ZNF831: variants seen among roughly 807,000 people sequenced by gnomAD.
The protein encoded by ZNF831 is zinc finger protein 831.
In ZNF831, 59 loss-of-function variants were observed where a neutral mutation model predicts 95.8. That is an observed-to-expected ratio of 0.62 (90% CI 0.50 to 0.77). The LOEUF is 0.77. Ranked by LOEUF, ZNF831 falls within the 30% of genes least tolerant of loss-of-function variation. The probability of loss-of-function intolerance (pLI) is 0.00; values close to 1 mark genes in which losing one functional copy is unlikely to be tolerated. For missense variants in ZNF831, 2,205 were observed against 2,164.0 expected, an observed-to-expected ratio of 1.02 and a Z score of -0.38; for synonymous variants, 961 against 925.5, an observed-to-expected ratio of 1.04 and a Z score of -0.70.
rs770688492 is a variant in ZNF831 at position 59,255,400 on chromosome 20, A to C, written c.*657A>C. 1 of 152,350 alleles carries C rather than the reference A, an allele frequency of 6.6e-6. No homozygotes were observed. The highest frequency in any genetic ancestry group is 1.5e-5 in the Non-Finnish European group (1 of 68,150). 9.4% of individuals were successfully genotyped at this position (152,350 alleles called of 1,614,324 possible). On this transcript the variant is annotated 3_prime_UTR_variant, in exon 6 of 6. Coordinates refer to ENST00000371030, the MANE Select transcript of ZNF831 (RefSeq NM_178457.3). ...TCCGGTGACATGCTGATTACTTTTA[A>C]ATGTTGCACAAATGGTCAATGCTTA...
chr20:59,181,056 T>A lies in ZNF831; in HGVS notation c.-36-9928T>A, dbSNP rs138254294. Among the ~76,000 whole-genome samples, 69 of 152,362 alleles carry A rather than the reference T, an allele frequency of 4.5e-4. 1 individual carries two copies. In the East Asian group the frequency reaches 0.013, roughly 29 times the overall value. On this transcript the variant is annotated intron_variant, in intron 1 of 5. Transcript: ENST00000371030. ...CATGTGTTGTTTCCTGACTTTTTAA[T>A]AATTGCCATTCTAACTGGCACGAGA...
intron 3 of ZNF831, among the ~76,000 whole-genome samples, chr20:59,203,736 A>T (rs1465218181): frequency 6.6e-6 from 1 of 152,156 alleles, no homozygotes; most frequent in Non-Finnish European, 1.5e-5. Flanking sequence ...TGCAAATACC[A>T]CACTGTAATG....
intron 1 of ZNF831, among the ~76,000 whole-genome samples, chr20:59,135,060 T>A (rs1203428122): frequency 6.6e-6 from 1 of 151,986 alleles, no homozygotes; most frequent in Non-Finnish European, 1.5e-5. Flanking sequence ...TCTCGGTAGC[T>A]CTAAGGAATA....
At position 59,257,463 on chromosome 20, in the gene ZNF831, A is replaced by G. The variant is rs1307391837; in HGVS notation, c.*2720A>G. 6.6e-6 allele frequency: 1 copy of G among 152,224 alleles called. No homozygotes were observed. The highest frequency in any genetic ancestry group is 1.5e-5 in the Non-Finnish European group (1 of 68,036). 9.4% of individuals were successfully genotyped at this position (152,224 alleles called of 1,614,324 possible). A position where few individuals can be genotyped will look rare whatever the true frequency, so the allele number is the denominator to read the frequency against. ...CAATGAACAATCTCTGATTTTATAA[A>G]TCTTAATTTTCCTATGGGTTTTCTT... On this transcript the variant is annotated 3_prime_UTR_variant, in exon 6 of 6. Coordinates refer to ENST00000371030, the MANE Select transcript of ZNF831 (RefSeq NM_178457.3).
In ZNF831 at chr20:59,206,867, C is replaced by T. The variant is rs1984925391; in HGVS notation, c.3876-38C>T. On this transcript the variant is annotated intron_variant, in intron 3 of 5. Transcript: ENST00000371030. ...CAGATTTTTCCAGGCATGTGCTCTCCAGGCTGGTTACTGCAAGCATGCTTC... is the reference window on the plus strand; with the variant it reads ...CAGATTTTTCCAGGCATGTGCTCTCTAGGCTGGTTACTGCAAGCATGCTTC... 1.9e-6 allele frequency: 3 copies of T among 1,601,382 alleles called. No homozygotes were observed. In the East Asian group the frequency reaches 6.7e-5, roughly 36 times the overall value.
chr20:59,199,480 A>G (rs544965677), intron 3 of ZNF831, among the ~76,000 whole-genome samples: 6 of 152,238 alleles, frequency 3.9e-5, no homozygotes, highest in Non-Finnish European at 7.4e-5. Context: ...ATAGTTATTT[A>G]TCATTTATCA....
chr20:59,239,443 A>G (rs1987186859), intron 4 of ZNF831, among the ~76,000 whole-genome samples: 1 of 151,844 alleles, frequency 6.6e-6, no homozygotes, highest in Non-Finnish European at 1.5e-5. Flanking sequence ...TCTCGAATAC[A>G]TTTTTGATGA....
At chr20:59,167,151 G>A (rs943117281) in intron 1 of ZNF831, among the ~76,000 whole-genome samples, 3 of 152,148 alleles carry the variant, frequency 2.0e-5, no homozygotes, top group Non-Finnish European at 2.9e-5. Context: ...ATATTTTATT[G>A]TGGCTTTAAT....
chr20:59,212,530 A>G (rs1985412856), intron 4 of ZNF831, among the ~76,000 whole-genome samples: 1 of 152,208 alleles, frequency 6.6e-6, no homozygotes, highest in Non-Finnish European at 1.5e-5. Flanking sequence ...TGTGACTAAG[A>G]ATGGACAGAA....
chr20:59,230,730 G>A (rs1192916165), intron 4 of ZNF831, among the ~76,000 whole-genome samples: 1 of 152,220 alleles, frequency 6.6e-6, no homozygotes, highest in Admixed American at 6.5e-5. Flanking sequence ...ATTTACCAAG[G>A]AGATATGGGG....
chr20:59,253,271 C>T (rs1987998558), intron 5 of ZNF831, 133 bp downstream of exon 5: 6 of 945,504 alleles, frequency 6.3e-6, no homozygotes, highest in Admixed American at 2.5e-5. Flanking sequence ...GCACAGAAAG[C>T]CCATTAAGAC....
In ZNF831 at chr20:59,192,449, C is replaced by A. The variant is rs2146565733; in HGVS notation, c.1430C>A (p.Pro477Gln). Residue 477 changes from proline (P) to glutamine (Q), a missense_variant, in exon 2 of 6, where the codon CCA (proline) becomes CAA (glutamine). By Grantham distance (76) the Pro-to-Gln change is moderately conservative. Transcript: ENST00000371030. The surrounding 1 kb of genome is among the most constrained non-coding windows in gnomAD (Gnocchi z 5.2). ...CCCGTGCGCTCCACCTGGACGCCCC[C>A]AGACAAGTCTCGGCCCCTCTTCTTC... ...PGPVRSTWTPPDKSRPLFFHS... is the reference protein window; with the variant it reads ...PGPVRSTWTPQDKSRPLFFHS... The A allele has an allele frequency of 1.2e-6, 2 of 1,603,562 alleles. No individual in the cohort carries two copies.
At chr20:59,148,675 G>A (rs868472066) in intron 2 of ZNF831, among the ~76,000 whole-genome samples, 10 of 41,598 alleles carry the variant, frequency 2.4e-4, no homozygotes, top group East Asian at 7.6e-4. Flanking sequence ...GCGAAACTCC[G>A]TCTCAAAAAA....
chr20:59,124,858 C>G (rs1979119996), intron 1 of ZNF831, among the ~76,000 whole-genome samples: 1 of 152,192 alleles, frequency 6.6e-6, no homozygotes, highest in South Asian at 2.1e-4. Context: ...GGTGTCCACC[C>G]TCCTCCACGC....
At chr20:59,124,807 G>A (rs1347739818) in intron 1 of ZNF831, among the ~76,000 whole-genome samples, 2 of 152,176 alleles carry the variant, frequency 1.3e-5, no homozygotes, top group Non-Finnish European at 2.9e-5. Flanking sequence ...TTGGCAGCCC[G>A]CCACTCCTCA....
intron 1 of ZNF831, among the ~76,000 whole-genome samples, chr20:59,166,766 T>G (rs573245853): frequency 9.2e-5 from 14 of 152,370 alleles, no homozygotes; most frequent in African/African-American, 2.9e-4. Context: ...AACGGTATGC[T>G]TCTTTTTATT....
intron 1 of ZNF831, among the ~76,000 whole-genome samples, chr20:59,139,826 T>G (rs1450796908): frequency 6.6e-6 from 1 of 152,194 alleles, no homozygotes; most frequent in East Asian, 1.9e-4. Context: ...TGCTCGTGGA[T>G]GAATGCACAG....
chr20:59,185,415 C>A (rs546810465), intron 1 of ZNF831, among the ~76,000 whole-genome samples: 2 of 152,128 alleles, frequency 1.3e-5, no homozygotes, highest in South Asian at 2.1e-4. Flanking sequence ...AAGCCCCAAG[C>A]CTCCCACCCT....
intron 2 of ZNF831, among the ~76,000 whole-genome samples, chr20:59,147,300 C>T (rs1336427514): frequency 6.6e-6 from 1 of 152,226 alleles, no homozygotes; most frequent in East Asian, 1.9e-4. Flanking sequence ...CAGGCATGTT[C>T]CATGCACAGG....
Sources: gnomAD v4.1 joint callset for allele counts (sites outside exome capture counted in the v4.1 genomes callset) on GRCh38, gnomAD v4.1.1 for gene constraint, Gnocchi (gnomAD v3.1) non-coding constraint, MANE v1.5 for transcripts, NCBI Gene and HGNC (gene_info 2026-07-23, HGNC 2026-07-21) for gene names.